The following SCML2 variants were observed in gnomAD, a reference collection of about 807,000 sequenced individuals.
SCML2 encodes Scm polycomb group protein like 2, also known as sex comb on midleg-like protein 2.
Under a neutral mutation model 48.4 loss-of-function variants are expected in SCML2, and 6 were observed. The observed-to-expected ratio is 0.12, with a 90% CI of 0.07 to 0.24. The LOEUF (loss-of-function observed/expected upper bound fraction) is 0.24, where lower values mean the gene tolerates loss of function less well. Among genes scored for constraint, SCML2 ranks in the 10% least tolerant of loss-of-function variants. The pLI, the probability that SCML2 is intolerant of heterozygous loss-of-function variation, is 1.00. For missense variants in SCML2, 377 were observed against 528.2 expected (o/e 0.71, Z 2.81); for synonymous variants, 181 against 189.5 (o/e 0.95, Z 0.37).
intron 7 of SCML2, 103 bp downstream of exon 7, chrX:18,304,869 G>A (rs1928707741): frequency 6.4e-6 from 6 of 938,345 alleles, no homozygotes; most frequent in Middle Eastern, 3.2e-4. Flanking sequence ...ACCAGTTGGG[G>A]CATGTACCAC....
intron 1 of SCML2, 52 bp downstream of exon 1, chrX:18,354,540 G>A (rs1930481167): frequency 4.0e-6 from 1 of 252,597 alleles, no homozygotes; most frequent in Non-Finnish European, 7.1e-6. Context: ...GTCGGGGTCC[G>A]GGACACACCT....
Position 18,246,836 on chromosome X carries a change from GA to G in SCML2, c.1571-9del. Reference sequence around the variant, plus strand: ...CAGCAAACAATGGTTCTCCTACAGGGAAAAAGACAAAGGAGGCTATCTTCAA... The same window carrying G: ...CAGCAAACAATGGTTCTCCTACAGGGAAAAGACAAAGGAGGCTATCTTCAA... On this transcript the variant is annotated splice_polypyrimidine_tract_variant and intron_variant, in intron 12 of 14. Coordinates refer to ENST00000251900, the MANE Select transcript of SCML2 (RefSeq NM_006089.3). 1 of 1,182,800 alleles carries G rather than the reference GA, an allele frequency of 8.5e-7. No homozygotes were observed. The highest frequency in any genetic ancestry group is 1.8e-5 in the African/African-American group (1 of 56,581).
intron 6 of SCML2, among the ~76,000 whole-genome samples, chrX:18,308,962 A>C (rs1487735998): frequency 9.0e-6 from 1 of 111,407 alleles, no homozygotes; most frequent in African/African-American, 3.3e-5. Flanking sequence ...TAATCCCAGC[A>C]CTTTGGGAGG....
chrX:18,318,257 A>G (rs1307440502), intron 6 of SCML2, among the ~76,000 whole-genome samples: 16 of 112,915 alleles, frequency 1.4e-4, no homozygotes, highest in Non-Finnish European at 2.8e-4. Context: ...CATCTTACTC[A>G]GAGGCGTACC....
chrX:18,324,106 A>G lies in SCML2; in HGVS notation c.163-13T>C. Reference sequence around the variant, plus strand: ...GTGGAATCTGAGACTATATATATAAATAAAATTTGGTTAAAATGCATCAAC... The same window carrying G: ...GTGGAATCTGAGACTATATATATAAGTAAAATTTGGTTAAAATGCATCAAC... On this transcript the variant is annotated splice_polypyrimidine_tract_variant and intron_variant, in intron 4 of 14. Coordinates refer to ENST00000251900, the MANE Select transcript of SCML2 (RefSeq NM_006089.3). The G allele has an allele frequency of 9.0e-7, 1 of 1,113,095 alleles. No homozygotes were observed. The highest frequency in any genetic ancestry group is 2.0e-5 in the South Asian group (1 of 51,148). 91.7% of individuals were successfully genotyped at this position (1,113,095 alleles called of 1,213,427 possible).
rs1227851324 is a variant in SCML2 at position 18,344,994 on chromosome X, T to A, written c.-25+9598A>T. The stretch of plus-strand genomic sequence containing the variant: ...TGCCTGGTACCCTACCCTAAGGCTT[T>A]TATATATGTATTTTTTCTTATCTAA... On this transcript the variant is annotated intron_variant, in intron 1 of 14. Transcript: ENST00000251900. 3.6e-5 allele frequency among the ~76,000 whole-genome samples: 4 copies of A among 111,263 alleles called. No homozygotes were observed. In the East Asian group the frequency reaches 1.1e-3, roughly 31 times the overall value.
intron 7 of SCML2, among the ~76,000 whole-genome samples, chrX:18,297,764 G>A (rs1298374874): frequency 9.0e-6 from 1 of 111,122 alleles, no homozygotes; most frequent in Non-Finnish European, 1.9e-5. Context: ...GAGGCAGGAG[G>A]ATCACTTGAG....
intron 7 of SCML2, among the ~76,000 whole-genome samples, chrX:18,304,685 C>G (rs190455226): frequency 1.8e-5 from 2 of 112,057 alleles, no homozygotes; most frequent in Non-Finnish European, 3.8e-5. Flanking sequence ...ATACCACCCC[C>G]CTTGCTTATA....
intron 7 of SCML2, among the ~76,000 whole-genome samples, chrX:18,282,012 C>T (rs1303199113): frequency 9.2e-6 from 1 of 108,625 alleles, no homozygotes; most frequent in Non-Finnish European, 1.9e-5. Flanking sequence ...AATCCCAGCT[C>T]CTTGGGAGGC....
intron 3 of SCML2, 138 bp downstream of exon 3, chrX:18,330,449 C>T: frequency 3.2e-6 from 1 of 316,501 alleles, no homozygotes; most frequent in Non-Finnish European, 5.6e-6. Flanking sequence ...TTTCTTATTA[C>T]ATTTTGTATT....
At chrX:18,297,179 C>T (rs1026438919) in intron 7 of SCML2, among the ~76,000 whole-genome samples, 2 of 112,038 alleles carry the variant, frequency 1.8e-5, no homozygotes, top group African/African-American at 3.2e-5. Flanking sequence ...TAAAATCTAA[C>T]GTCCTTCATG....
chrX:18,274,486 T>A, intron 7 of SCML2, among the ~76,000 whole-genome samples: 1 of 112,219 alleles, frequency 8.9e-6, no homozygotes, highest in Admixed American at 9.4e-5. Context: ...CCCTTTCTGA[T>A]CCATACTCTA....
At chrX:18,303,170 T>C (rs1928649053) in intron 7 of SCML2, among the ~76,000 whole-genome samples, 1 of 111,256 alleles carries the variant, frequency 9.0e-6, no homozygotes, top group Non-Finnish European at 1.9e-5. Context: ...CTCTCTATAA[T>C]ATACTTTCTG....
intron 1 of SCML2, among the ~76,000 whole-genome samples, chrX:18,342,245 CTTTTGT>C (rs1364122815): frequency 9.0e-6 from 1 of 110,580 alleles, no homozygotes; most frequent in African/African-American, 3.3e-5. Context: ...AAGCTTCAGG[CTTTTGT>C]TTTTGTTTTT....
chrX:18,242,625 G>T, intron 13 of SCML2, 35 bp from the exon 14 acceptor site: 2 of 1,169,697 alleles, frequency 1.7e-6, no homozygotes, highest in South Asian at 3.8e-5. Flanking sequence ...AATCATACTT[G>T]ACCTGATCAT....
At chrX:18,348,192 G>C (rs1008835641) in intron 1 of SCML2, among the ~76,000 whole-genome samples, 2 of 112,073 alleles carry the variant, frequency 1.8e-5, no homozygotes, top group Non-Finnish European at 3.8e-5. Context: ...GCTACCCACT[G>C]ACTTTTGTGA....
chrX:18,302,690 G>A lies in SCML2; in HGVS notation c.730+2282C>T, dbSNP rs143726187. 1.8e-3 allele frequency among the ~76,000 whole-genome samples: 206 copies of A among 111,417 alleles called. 2 individuals are homozygous for A. In the East Asian group the frequency reaches 0.051, roughly 27 times the overall value. On this transcript the variant is annotated intron_variant, in intron 7 of 14. Transcript: ENST00000251900. ...CTGCTATCAACAAAATAAGTAAACT[G>A]CTCACCCTCCCATCCCAAGCACCTA... is the stretch of plus-strand genomic sequence containing the variant.
rs377745178 is a variant in SCML2 at position 18,295,713 on chromosome X, A to G, written c.730+9259T>C. 7.0e-4 allele frequency among the ~76,000 whole-genome samples: 75 copies of G among 106,653 alleles called. 1 individual carries two copies. The South Asian group carries it at 0.029, about 42-fold the overall frequency. 92.6% of individuals were successfully genotyped at this position (106,653 alleles called of 115,157 possible). On this transcript the variant is annotated intron_variant, in intron 7 of 14. Coordinates refer to ENST00000251900, the MANE Select transcript of SCML2 (RefSeq NM_006089.3). The stretch of plus-strand genomic sequence containing the variant: ...TCCATATACACTGACCATGGGCCCA[A>G]GAACAGGCACGCTCGGCCCTCTACT...
chrX:18,284,875 G>A (rs192216395), intron 7 of SCML2, among the ~76,000 whole-genome samples: 99 of 111,319 alleles, frequency 8.9e-4, no homozygotes, highest in African/African-American at 3.1e-3. Flanking sequence ...ACCCCGTCTC[G>A]CACTAAAAAT....
Sources: allele counts gnomAD v4.1 joint callset (sites outside exome capture counted in the v4.1 genomes callset), GRCh38; gene constraint gnomAD v4.1.1; transcripts MANE v1.5; gene names NCBI Gene and HGNC (gene_info 2026-07-23, HGNC 2026-07-21).